Variants in FAM227B observed in about 807,000 individuals in gnomAD.
The protein encoded by FAM227B is family with sequence similarity 227 member B, also known as protein FAM227B.
In FAM227B, 88 loss-of-function variants were observed where a neutral mutation model predicts 73.8. That is an observed-to-expected ratio of 1.19 (90% CI 1.00 to 1.42). The LOEUF (loss-of-function observed/expected upper bound fraction) is 1.42. Ranked by LOEUF, FAM227B falls within the 40% of genes most tolerant of loss-of-function variation. FAM227B has a pLI of 0.00. For synonymous variants in FAM227B, 210 were observed against 190.5 expected, an observed-to-expected ratio of 1.10 and a Z score of -0.84; for missense variants, 632 against 590.9, an observed-to-expected ratio of 1.07 and a Z score of -0.72.
chr15:49,578,730 A>C (rs2075626153), intron 5 of FAM227B, among the ~76,000 whole-genome samples: 1 of 152,170 alleles, frequency 6.6e-6, no homozygotes, highest in Non-Finnish European at 1.5e-5. Context: ...TTTTAGGAAA[A>C]ATGAGATCAA....
chr15:49,422,053 T>C (rs1448402682), intron 11 of FAM227B, among the ~76,000 whole-genome samples: 32 of 151,748 alleles, frequency 2.1e-4, no homozygotes, highest in Non-Finnish European at 4.4e-5. Flanking sequence ...TCCAGTTGAG[T>C]AGATTTAATT....
At chr15:49,412,320 G>T (rs2048921832) in intron 11 of FAM227B, among the ~76,000 whole-genome samples, 1 of 151,900 alleles carries the variant, frequency 6.6e-6, no homozygotes, top group Non-Finnish European at 1.5e-5. Context: ...TTTTTGTTGT[G>T]CAATACAGGG....
intron 13 of FAM227B, among the ~76,000 whole-genome samples, chr15:49,339,726 C>T (rs2040377685): frequency 6.6e-6 from 1 of 152,184 alleles, no homozygotes; most frequent in Non-Finnish European, 1.5e-5. Context: ...GTGCCTACAA[C>T]CGCCCCTTGC....
rs369324799 is a variant in FAM227B, at chr15:49,480,593, T to G, written c.1012+27618A>C. On this transcript the variant is annotated intron_variant, in intron 11 of 15. Transcript: ENST00000299338. ...GCCTTCTGGGTTCATGCAATTCTCC[T>G]GCTTCAGCCTCCTGAGTAGCTGGGA... 1.5e-4 allele frequency among the ~76,000 whole-genome samples: 23 copies of G among 150,618 alleles called. No individual in the cohort carries two copies. The South Asian group carries it at 4.6e-3, about 30-fold the overall frequency.
chr15:49,365,813 A>G (rs1370482180), intron 13 of FAM227B: 14 of 875,042 alleles, frequency 1.6e-5, no homozygotes, highest in Non-Finnish European at 2.6e-5. Context: ...CCAGAGAGAA[A>G]CATAAGTCTC....
intron 11 of FAM227B, 39 bp from the exon 12 acceptor site, chr15:49,371,438 T>A (rs762286932): frequency 2.3e-6 from 3 of 1,290,908 alleles, no homozygotes; most frequent in East Asian, 2.4e-5. Context: ...AATTCTGGTA[T>A]TTTTTTCCTT....
At chr15:49,613,394 G>A (rs931816152) in intron 2 of FAM227B, among the ~76,000 whole-genome samples, 1 of 152,084 alleles carries the variant, frequency 6.6e-6, no homozygotes, top group African/African-American at 2.4e-5. Flanking sequence ...CCAGCTACTC[G>A]AGAGGCTGAG....
At chr15:49,500,020 T>C (rs2058010147) in intron 11 of FAM227B, among the ~76,000 whole-genome samples, 1 of 152,214 alleles carries the variant, frequency 6.6e-6, no homozygotes, top group Admixed American at 6.5e-5. Flanking sequence ...TTATAAACTT[T>C]TGTTTTTTAA....
Position 49,328,600 on chromosome 15 carries a change from CTG to C in FAM227B, c.1493_1494del (p.Thr498ArgfsTer6). 3 of 1,595,558 alleles carry C rather than the reference CTG, an allele frequency of 1.9e-6. No individual in the cohort carries two copies. The highest frequency in any genetic ancestry group is 2.6e-6 in the Non-Finnish European group (3 of 1,167,948). On this transcript the variant is annotated frameshift_variant, in exon 16 of 16. Transcript: ENST00000299338. LOFTEE classifies it low-confidence loss of function (END_TRUNC). Reference protein sequence around the residue: ...SSSSSSSPSSTDNYNFEEEEY With the variant: ...SSSSSSSPSSXDNYNFEEEEY ...TCTTCTTCCTCAAAGTTGTAGTTGT[CTG>C]TTGATGATGGTGATGATGATGATGA...
chr15:49,374,045 T>C (rs1273776866), intron 11 of FAM227B, among the ~76,000 whole-genome samples: 2 of 152,152 alleles, frequency 1.3e-5, no homozygotes, highest in Non-Finnish European at 2.9e-5. Context: ...AAGATACAAG[T>C]ATCATTTTCC....
chr15:49,477,029 C>A (rs2055395669), intron 11 of FAM227B, among the ~76,000 whole-genome samples: 1 of 150,614 alleles, frequency 6.6e-6, no homozygotes, highest in African/African-American at 2.5e-5. Context: ...CACTGCACTC[C>A]AGCCTGGGCG....
intron 13 of FAM227B, among the ~76,000 whole-genome samples, chr15:49,339,653 T>C (rs1158442706): frequency 6.6e-6 from 1 of 152,212 alleles, no homozygotes; most frequent in African/African-American, 2.4e-5. Context: ...TCTAACGCTG[T>C]GCTGGGAGAT....
At chr15:49,597,311 C>A (rs1024256559) in intron 3 of FAM227B, among the ~76,000 whole-genome samples, 3 of 151,942 alleles carry the variant, frequency 2.0e-5, no homozygotes, top group Non-Finnish European at 2.9e-5. Flanking sequence ...AAATCCACTC[C>A]AGAAAGAACC....
chr15:49,518,234 C>G (rs1341784290), intron 10 of FAM227B, among the ~76,000 whole-genome samples: 7 of 152,122 alleles, frequency 4.6e-5, no homozygotes, highest in Admixed American at 4.6e-4. Flanking sequence ...ATTGTATTAA[C>G]CTGCACTCTC....
intron 2 of FAM227B, among the ~76,000 whole-genome samples, chr15:49,612,033 C>CTTT (rs58693077): frequency 5.2e-5 from 7 of 135,368 alleles, no homozygotes; most frequent in East Asian, 4.2e-4. Context: ...GCTGAATTTT[C>CTTT]TTTTTTTTTT....
intron 13 of FAM227B, among the ~76,000 whole-genome samples, chr15:49,337,509 T>A (rs2039945191): frequency 4.1e-5 from 1 of 24,598 alleles, no homozygotes. Context: ...ATTTACCCAC[T>A]TTTTTTTTTT....
intron 9 of FAM227B, among the ~76,000 whole-genome samples, chr15:49,549,406 A>G (rs2072468724): frequency 2.0e-5 from 3 of 151,662 alleles, no homozygotes; most frequent in Admixed American, 6.6e-5. Context: ...ACAACAGTGG[A>G]GGGAAGGTCA....
At chr15:49,470,183 G>C (rs2054612162) in intron 11 of FAM227B, among the ~76,000 whole-genome samples, 1 of 152,112 alleles carries the variant, frequency 6.6e-6, no homozygotes, top group Non-Finnish European at 1.5e-5. Context: ...GTAAATTAAA[G>C]AGGAAGACAG....
At chr15:49,586,474 T>A (rs1423815121) in intron 5 of FAM227B, among the ~76,000 whole-genome samples, 1 of 151,926 alleles carries the variant, frequency 6.6e-6, no homozygotes, top group African/African-American at 2.4e-5. Context: ...TGGACATAGG[T>A]ATGGGCAAAG....
Sources: allele counts gnomAD v4.1 joint callset (sites outside exome capture counted in the v4.1 genomes callset), GRCh38; gene constraint gnomAD v4.1.1; transcripts MANE v1.5; gene names NCBI Gene and HGNC (gene_info 2026-07-23, HGNC 2026-07-21).